Variants in CHCHD3 observed in about 807,000 individuals in gnomAD.
CHCHD3 encodes the protein MICOS complex subunit MIC19.
CHCHD3 carries 20 observed loss-of-function variants against 38.2 expected under a neutral mutation model. That is an observed-to-expected ratio of 0.52 (90% confidence interval 0.37 to 0.76). The LOEUF is 0.76. Ranked by LOEUF, CHCHD3 falls within the 30% of genes least tolerant of loss-of-function variation. CHCHD3 has a pLI of 0.00. For missense variants in CHCHD3, 245 were observed against 279.2 expected (o/e 0.88, Z 0.87); for synonymous variants, 82 against 100.0 (o/e 0.82, Z 1.07).
chr7:132,946,190 G>A (rs1335104386), intron 4 of CHCHD3, among the ~76,000 whole-genome samples: 2 of 145,834 alleles, frequency 1.4e-5, no homozygotes, highest in African/African-American at 5.0e-5. Flanking sequence ...GTGTGTGTGT[G>A]TATACACACA....
chr7:132,821,745 A>AT lies in CHCHD3; in HGVS notation c.524+16653dup, dbSNP rs1194009718. ...ACGTGGCCAAAAGCTTAGCACTCAA[A>AT]TCTTTTTTTTTTTTTTTTTTTTTTT... On this transcript the variant is annotated intron_variant, in intron 6 of 7. Transcript: ENST00000262570. Among the ~76,000 whole-genome samples the AT allele has an allele frequency of 2.5e-4, 31 of 122,484 alleles. No homozygotes were observed. The East Asian group carries it at 7.7e-3, about 30-fold the overall frequency. 80.4% of individuals were successfully genotyped at this position (122,484 alleles called of 152,430 possible).
intron 3 of CHCHD3, among the ~76,000 whole-genome samples, chr7:133,009,293 G>A (rs1242970790): frequency 6.7e-6 from 1 of 149,688 alleles, no homozygotes; most frequent in Non-Finnish European, 1.5e-5. Flanking sequence ...GAACCCAGGA[G>A]GCAGAGGTTG....
chr7:132,957,070 T>C (rs1188473790), intron 4 of CHCHD3, among the ~76,000 whole-genome samples: 1 of 152,184 alleles, frequency 6.6e-6, no homozygotes, highest in Non-Finnish European at 1.5e-5. Flanking sequence ...CTTCTTGTTC[T>C]CTGTTCAGCA....
intron 3 of CHCHD3, among the ~76,000 whole-genome samples, chr7:133,018,977 G>A (rs911188757): frequency 3.0e-5 from 4 of 132,756 alleles, no homozygotes; most frequent in African/African-American, 5.7e-5. Context: ...TCCACCTCCC[G>A]GGTTCAAGCG....
chr7:132,862,019 A>T (rs1808503313), intron 5 of CHCHD3, among the ~76,000 whole-genome samples: 1 of 152,156 alleles, frequency 6.6e-6, no homozygotes. Flanking sequence ...CTTAAGAAAA[A>T]GGAATCATGT....
intron 6 of CHCHD3, among the ~76,000 whole-genome samples, chr7:132,814,688 T>C (rs907875586): frequency 7.2e-5 from 11 of 152,230 alleles, no homozygotes; most frequent in African/African-American, 2.4e-4. Flanking sequence ...ATGTGTGGAT[T>C]GATTACCATT....
At chr7:132,936,029 G>A (rs553280851) in intron 4 of CHCHD3, among the ~76,000 whole-genome samples, 18 of 152,128 alleles carry the variant, frequency 1.2e-4, no homozygotes, top group African/African-American at 2.7e-4. Context: ...ATCCATTCAC[G>A]AGTGCACTGA....
chr7:132,888,665 T>C (rs1177195606), intron 4 of CHCHD3, among the ~76,000 whole-genome samples: 6 of 151,916 alleles, frequency 3.9e-5, no homozygotes, highest in Admixed American at 2.6e-4. Flanking sequence ...CAATAGATGT[T>C]TGGGTAAATA....
At chr7:132,881,274 G>C (rs1809049588) in intron 5 of CHCHD3, among the ~76,000 whole-genome samples, 1 of 152,142 alleles carries the variant, frequency 6.6e-6, no homozygotes, top group South Asian at 2.1e-4. Flanking sequence ...GGTAGAGGGA[G>C]TTCCATTCAC....
intron 3 of CHCHD3, among the ~76,000 whole-genome samples, chr7:132,985,884 C>T (rs1271359337): frequency 1.7e-5 from 2 of 120,778 alleles, no homozygotes; most frequent in Non-Finnish European, 3.7e-5. Flanking sequence ...TGCCCGGCCA[C>T]CACCCCGTCT....
intron 3 of CHCHD3, among the ~76,000 whole-genome samples, chr7:132,993,082 T>C (rs1255037651): frequency 6.6e-6 from 1 of 152,198 alleles, no homozygotes; most frequent in Non-Finnish European, 1.5e-5. Flanking sequence ...ATTTCCTTTA[T>C]AAATTAGTGT....
At chr7:132,809,427 T>C (rs1239202863) in intron 6 of CHCHD3, among the ~76,000 whole-genome samples, 1 of 152,086 alleles carries the variant, frequency 6.6e-6, no homozygotes, top group Admixed American at 6.5e-5. Context: ...AGCTGCCTCC[T>C]TTTTGTGTTC....
intron 2 of CHCHD3, among the ~76,000 whole-genome samples, chr7:133,047,470 T>A (rs1308721356): frequency 6.6e-6 from 1 of 152,214 alleles, no homozygotes; most frequent in Non-Finnish European, 1.5e-5. Context: ...ATGTGGTATA[T>A]CCTTGAGCAA....
intron 4 of CHCHD3, among the ~76,000 whole-genome samples, chr7:132,915,865 AC>A (rs1201144155): frequency 1.3e-5 from 2 of 152,118 alleles, no homozygotes; most frequent in African/African-American, 4.8e-5. Context: ...AACTCAGGGA[AC>A]AATGGGTACT....
chr7:132,827,572 C>T (rs1337573667), intron 6 of CHCHD3, among the ~76,000 whole-genome samples: 5 of 152,162 alleles, frequency 3.3e-5, no homozygotes, highest in African/African-American at 1.2e-4. Flanking sequence ...GCCTGTATAT[C>T]ACAATGCACC....
chr7:132,907,750 G>C (rs1379093482), intron 4 of CHCHD3, among the ~76,000 whole-genome samples: 1 of 152,204 alleles, frequency 6.6e-6, no homozygotes, highest in Non-Finnish European at 1.5e-5. Flanking sequence ...GGATTAGAAA[G>C]AGGGGAGAAT....
chr7:132,986,106 C>G lies in CHCHD3; in HGVS notation c.252-10820G>C, dbSNP rs1173762107. Among the ~76,000 whole-genome samples the G allele has an allele frequency of 2.0e-5, 3 of 149,920 alleles. No homozygotes were observed. In the East Asian group the frequency reaches 5.9e-4, roughly 30 times the overall value. ...ATCCTGTTGATCTGTGACCTTACCCCCAACCCTGTGCTCTCTGAAACAGGT... is the reference window on the plus strand; with the variant it reads ...ATCCTGTTGATCTGTGACCTTACCCGCAACCCTGTGCTCTCTGAAACAGGT... On this transcript the variant is annotated intron_variant, in intron 3 of 7. Transcript: ENST00000262570.
At chr7:132,975,579 C>T (rs1037754131) in intron 3 of CHCHD3, among the ~76,000 whole-genome samples, 1 of 152,096 alleles carries the variant, frequency 6.6e-6, no homozygotes, top group East Asian at 1.9e-4. Context: ...ATCTGCCCAC[C>T]AAAAAAATTC....
intron 4 of CHCHD3, among the ~76,000 whole-genome samples, chr7:132,902,021 G>C (rs1200694022): frequency 6.6e-6 from 1 of 152,004 alleles, no homozygotes; most frequent in Non-Finnish European, 1.5e-5. Flanking sequence ...GTGTAAGGAA[G>C]GGATCCAGTT....
Sources: allele counts gnomAD v4.1 joint callset (sites outside exome capture counted in the v4.1 genomes callset), GRCh38; gene constraint gnomAD v4.1.1; transcripts MANE v1.5; gene names NCBI Gene and HGNC (gene_info 2026-07-23, HGNC 2026-07-21).